The following ZNF415 variants were observed in gnomAD, a reference collection of about 807,000 sequenced individuals.
ZNF415 encodes zinc finger protein 415.
ZNF415 carries 5 observed loss-of-function variants against 7.3 expected under a neutral mutation model. The observed-to-expected ratio is 0.69, with a 90% CI of 0.36 to 1.44. The LOEUF is 1.44. ZNF415 is among the 40% of genes most tolerant of loss of function. The pLI is 0.04. For missense variants in ZNF415, 628 were observed against 664.8 expected, an observed-to-expected ratio of 0.94 and a Z score of 0.61; for synonymous variants, 207 against 226.3, an observed-to-expected ratio of 0.91 and a Z score of 0.77.
intron 1 of ZNF415, among the ~76,000 whole-genome samples, chr19:53,126,608 C>A (rs2089174613): frequency 7.7e-6 from 1 of 130,546 alleles, no homozygotes; most frequent in Non-Finnish European, 1.8e-5. Context: ...AACCCCTCCT[C>A]TCCCTCAATC....
At chr19:53,123,322 T>A (rs2088459141) in intron 1 of ZNF415, among the ~76,000 whole-genome samples, 1 of 152,016 alleles carries the variant, frequency 6.6e-6, no homozygotes, top group South Asian at 2.1e-4. Flanking sequence ...GACCTTGGTG[T>A]CATCAGGATC....
rs1568532137 is a variant in ZNF415 at position 53,109,009 on chromosome 19, GGTT to G, written c.1033_1035del (p.Asn345del). 9 of 1,614,064 alleles carry G rather than the reference GGTT, an allele frequency of 5.6e-6. No individual in the cohort carries two copies. The highest frequency in any genetic ancestry group is 5.9e-6 in the Non-Finnish European group (7 of 1,179,982). ...TTCTTGCCACTATGAATTACCTGATGGTTGGTAAGTGTTGACCTCACACTAAAG... is the reference window on the plus strand; with the variant it reads ...TTCTTGCCACTATGAATTACCTGATGGGTAAGTGTTGACCTCACACTAAAG... On this transcript the variant is annotated inframe_deletion, in exon 4 of 4. Transcript: ENST00000243643.
At chr19:53,120,955 G>A (rs1020324470) in intron 2 of ZNF415, among the ~76,000 whole-genome samples, 4 of 151,606 alleles carry the variant, frequency 2.6e-5, no homozygotes, top group African/African-American at 4.8e-5. Context: ...GTGGTGGCGC[G>A]TGCCTGTAAT....
intron 1 of ZNF415, among the ~76,000 whole-genome samples, chr19:53,127,769 C>T (rs1245238671): frequency 1.3e-5 from 2 of 150,590 alleles, no homozygotes; most frequent in Admixed American, 6.6e-5. Flanking sequence ...CCCAGCTACT[C>T]GGGAGGCTGA....
At position 53,108,778 on chromosome 19, in the gene ZNF415, A is replaced by C; in HGVS notation, c.1267T>G (p.Tyr423Asp). 6.2e-7 allele frequency: 1 copy of C among 1,612,686 alleles called. No individual in the cohort carries two copies. ...CGATGACTCGCAAGGTGTGAATTGT[A>C]ACTGAAAACCTTACCACATTCATTG... is the stretch of plus-strand genomic sequence containing the variant. ...KCNECGKVFSYNSHLASHRRV... is the reference protein window; with the variant it reads ...KCNECGKVFSDNSHLASHRRV... Residue 423 changes from tyrosine (Y) to aspartate (D), a missense_variant, in exon 4 of 4, where the codon TAC becomes GAC. Transcript: ENST00000243643.
At position 53,108,987 on chromosome 19, in the gene ZNF415, T is replaced by C; in HGVS notation, c.1058A>G (p.Lys353Arg). The C allele has an allele frequency of 6.2e-7, 1 of 1,614,170 alleles. No individual in the cohort carries two copies. Among genetic ancestry groups the C allele is most frequent in the Non-Finnish European group, 8.5e-7 (1 of 1,180,026 alleles). Residue 353 changes from lysine (K) to arginine (R), a missense_variant, in exon 4 of 4, where the codon AAG (lysine) becomes AGG (arginine). Lys to Arg is a conservative substitution (Grantham distance 26, BLOSUM62 2). Coordinates refer to ENST00000243643, the MANE Select transcript of ZNF415 (RefSeq NM_018355.4). ...LTNHQVIHSG[K>R]KPYKCNECGK... Reference sequence around the variant, plus strand: ...ACATTCATTGCATTTGTAAGGTTTCTTGCCACTATGAATTACCTGATGGTT... The same window carrying C: ...ACATTCATTGCATTTGTAAGGTTTCCTGCCACTATGAATTACCTGATGGTT...
intron 1 of ZNF415, among the ~76,000 whole-genome samples, chr19:53,124,589 C>A (rs1051701952): frequency 6.6e-6 from 1 of 152,138 alleles, no homozygotes; most frequent in Admixed American, 6.6e-5. Flanking sequence ...CAAATCATAT[C>A]CTAACAATTG....
At chr19:53,116,630 G>A (rs1159256092) in intron 2 of ZNF415, among the ~76,000 whole-genome samples, 197 bp from the exon 3 acceptor site, 3 of 100,662 alleles carry the variant, frequency 3.0e-5, no homozygotes, top group South Asian at 2.9e-4. Context: ...TTTTTTTTTG[G>A]TTTGAGACAA....
At chr19:53,124,368 G>A (rs2088662186) in intron 1 of ZNF415, 2 of 152,214 alleles carry the variant, frequency 1.3e-5, no homozygotes, top group Admixed American at 1.3e-4. Context: ...CGCCAGCAGG[G>A]CAGACAAAAT....
chr19:53,126,169 T>C (rs1186096691), intron 1 of ZNF415, among the ~76,000 whole-genome samples: 2 of 151,536 alleles, frequency 1.3e-5, no homozygotes, highest in African/African-American at 2.4e-5. Context: ...GAGGATTGTC[T>C]TCACCGAGAG....
Position 53,130,692 on chromosome 19 carries a change from C to T in ZNF415, c.-68+2164G>A, listed in dbSNP as rs567077892. On this transcript the variant is annotated intron_variant, in intron 1 of 3. Coordinates refer to ENST00000243643, the MANE Select transcript of ZNF415 (RefSeq NM_018355.4). ...TGTTTTTTTTTCAGACGCAGTCTTG[C>T]TCTGTCACCGGATCTCGGCTCTTGG... 2.0e-5 allele frequency among the ~76,000 whole-genome samples: 3 copies of T among 152,166 alleles called. No individual in the cohort carries two copies. In the East Asian group the frequency reaches 5.8e-4, roughly 29 times the overall value.
Position 53,115,556 on chromosome 19 carries a change from C to A in ZNF415, c.136+757G>T, listed in dbSNP as rs577686073. ...GATCAACTATGACACGTCTCAAGAG[C>A]AGAGGGAGAAGTAGGGGAAGTTTAA... On this transcript the variant is annotated intron_variant, in intron 3 of 3. Coordinates refer to ENST00000243643, the MANE Select transcript of ZNF415 (RefSeq NM_018355.4). 7.0e-4 allele frequency: 454 copies of A among 649,710 alleles called. 1 individual carries two copies. Among genetic ancestry groups the A allele is most frequent in the Middle Eastern group, 4.9e-3 (12 of 2,452 alleles). 40.2% of individuals were successfully genotyped at this position (649,710 alleles called of 1,614,324 possible).
chr19:53,127,877 A>AAAG (rs1173210947), intron 1 of ZNF415, among the ~76,000 whole-genome samples: 1 of 130,150 alleles, frequency 7.7e-6, no homozygotes. Context: ...CACCGTCTCA[A>AAAG]AAAAAAAAAA....
intron 3 of ZNF415, chr19:53,115,691 T>C (rs1312956161): frequency 6.5e-7 from 1 of 1,540,892 alleles, no homozygotes; most frequent in African/African-American, 1.4e-5. Flanking sequence ...TCTCCCCTCA[T>C]CTGAGGTCTT....
chr19:53,121,557 A>G (rs2088069876), intron 2 of ZNF415, among the ~76,000 whole-genome samples: 2 of 151,566 alleles, frequency 1.3e-5, no homozygotes, highest in Non-Finnish European at 2.9e-5. Context: ...CCTCCTGAGT[A>G]GTTGGGATTA....
In ZNF415 at chr19:53,123,509, G is replaced by C. The variant is rs370301812; in HGVS notation, c.-67-766C>G. ...AGGAGGGGTGTTTGCACCTGCAGCT[G>C]AGGGGCCAGCGAGTTCCAGCAGAGG... On this transcript the variant is annotated intron_variant, in intron 1 of 3. Transcript: ENST00000243643. 18 of 398,762 alleles carry C rather than the reference G, an allele frequency of 4.5e-5. No homozygotes were observed. The East Asian group carries it at 5.0e-4, about 11-fold the overall frequency. The allele number at this position is 398,762 out of a possible 1,614,324, so 24.7% of individuals were successfully genotyped here. A position where few individuals can be genotyped will look rare whatever the true frequency, so the allele number is the denominator to read the frequency against.
rs2085757694 is a variant in ZNF415 at position 53,108,760 on chromosome 19, T to C, written c.1285A>G (p.Ser429Gly). The change falls in exon 4 of 4, where the codon AGT (serine) becomes GGT (glycine). Residue 429 changes from serine to glycine, a missense_variant. Coordinates refer to ENST00000243643, the MANE Select transcript of ZNF415 (RefSeq NM_018355.4). ...KVFSYNSHLA[S>G]HRRVHTGEKP... ...TCTCCAGTATGAACTCTCCGATGAC[T>C]CGCAAGGTGTGAATTGTAACTGAAA... The C allele has an allele frequency of 6.2e-7, 1 of 1,613,904 alleles. No individual in the cohort carries two copies. The highest frequency in any genetic ancestry group is 1.3e-5 in the African/African-American group (1 of 74,878).
chr19:53,113,977 C>A (rs12977570), intron 3 of ZNF415, among the ~76,000 whole-genome samples: 1 of 152,206 alleles, frequency 6.6e-6, no homozygotes, highest in East Asian at 1.9e-4. Flanking sequence ...GCTGACAATT[C>A]TGCTGAACGC....
chr19:53,121,379 C>T (rs1027085064), intron 2 of ZNF415, among the ~76,000 whole-genome samples: 21 of 143,540 alleles, frequency 1.5e-4, no homozygotes, highest in African/African-American at 3.9e-4. Flanking sequence ...ACTGAGACTC[C>T]GTCTCAAAAA....
Sources: allele counts gnomAD v4.1 joint callset (sites outside exome capture counted in the v4.1 genomes callset), GRCh38; gene constraint gnomAD v4.1.1; transcripts MANE v1.5; gene names NCBI Gene and HGNC (gene_info 2026-07-23, HGNC 2026-07-21).